The following SPAG9 variants were observed in gnomAD, a reference collection of about 807,000 sequenced individuals.
The protein encoded by SPAG9 is C-Jun-amino-terminal kinase-interacting protein 4.
Under a neutral mutation model 166.5 loss-of-function variants are expected in SPAG9, and 35 were observed. That is an observed-to-expected ratio of 0.21 (90% CI 0.16 to 0.28). The LOEUF (loss-of-function observed/expected upper bound fraction) is 0.28. Among genes scored for constraint, SPAG9 ranks in the 10% least tolerant of loss-of-function variants. The pLI, the probability that SPAG9 is intolerant of heterozygous loss-of-function variation, is 1.00. For synonymous variants in SPAG9, 534 were observed against 565.5 expected (o/e 0.94, Z 0.79); for missense variants, 1,235 against 1,603.3 (o/e 0.77, Z 3.92).
At chr17:51,078,836 T>C (rs1189093278) in intron 2 of SPAG9, among the ~76,000 whole-genome samples, 1 of 152,050 alleles carries the variant, frequency 6.6e-6, no homozygotes, top group Non-Finnish European at 1.5e-5. Flanking sequence ...TTTTCTCCAG[T>C]ATCTAATTAC....
At position 51,089,993 on chromosome 17, in the gene SPAG9, T is replaced by A. The variant is rs557219737; in HGVS notation, c.304-10289A>T. Among the ~76,000 whole-genome samples the A allele has an allele frequency of 3.1e-3, 465 of 151,738 alleles. 2 individuals are homozygous for A. Among genetic ancestry groups the A allele is most frequent in the Non-Finnish European group, 5.0e-3 (342 of 67,918 alleles). ...TGCCCGGCCATATATACTATTTTTT[T>A]AAAAAAGAGAGAAGTCATTTTAGCT... On this transcript the variant is annotated intron_variant, in intron 1 of 29. Coordinates refer to ENST00000262013, the MANE Select transcript of SPAG9 (RefSeq NM_001130528.3).
chr17:51,063,411 CAA>C (rs143437430), intron 2 of SPAG9, among the ~76,000 whole-genome samples: 16 of 98,020 alleles, frequency 1.6e-4, no homozygotes, highest in Admixed American at 2.4e-4. Context: ...GACTACATCT[CAA>C]AAAAAAAAAA....
chr17:51,049,133 C>T (rs993072690), intron 3 of SPAG9, among the ~76,000 whole-genome samples: 1 of 152,130 alleles, frequency 6.6e-6, no homozygotes, highest in African/African-American at 2.4e-5. Flanking sequence ...AATCCCAGCA[C>T]TTTGGGAGGT....
intron 22 of SPAG9, 109 bp from the exon 23 acceptor site, chr17:50,985,887 AT>A: frequency 1.6e-6 from 1 of 607,044 alleles, no homozygotes; most frequent in Non-Finnish European, 2.8e-6. Context: ...TAACATACAA[AT>A]TTTAGGAAAA....
intron 1 of SPAG9, among the ~76,000 whole-genome samples, chr17:51,117,994 AT>A (rs1281190667): frequency 2.0e-5 from 3 of 151,714 alleles, no homozygotes; most frequent in African/African-American, 4.8e-5. Flanking sequence ...ATATATACAT[AT>A]TAGCTGGGCG....
rs1210223595 is a variant in SPAG9 at position 51,006,072 on chromosome 17, A to C, written c.1424+13T>G. 1 of 1,613,890 alleles carries C rather than the reference A, an allele frequency of 6.2e-7. No individual in the cohort carries two copies. The highest frequency in any genetic ancestry group is 8.5e-7 in the Non-Finnish European group (1 of 1,179,816). Reference sequence around the variant, plus strand: ...CAAAGAGTTTGGTTTAGAACAACACAGTTAAAACTTACTTCCTAAGCTCTT... The same window carrying C: ...CAAAGAGTTTGGTTTAGAACAACACCGTTAAAACTTACTTCCTAAGCTCTT... On this transcript the variant is annotated intron_variant, in intron 11 of 29. Transcript: ENST00000262013.
At chr17:51,074,559 C>T (rs910957005) in intron 2 of SPAG9, among the ~76,000 whole-genome samples, 5 of 152,212 alleles carry the variant, frequency 3.3e-5, no homozygotes, top group African/African-American at 1.2e-4. Flanking sequence ...GAACAGCAGA[C>T]TCCCAGGGGA....
At position 51,079,581 on chromosome 17, in the gene SPAG9, T is replaced by C. The variant is rs375859018; in HGVS notation, c.424+3A>G. ...TACTTATGAGAAGAAATGTTTTACT[T>C]ACTCTGGTCAGCATAGTTTTTCGCT... is the stretch of plus-strand genomic sequence containing the variant. On this transcript the variant is annotated splice_donor_region_variant and intron_variant, in intron 2 of 29. Transcript: ENST00000262013. The C allele has an allele frequency of 6.3e-5, 102 of 1,612,356 alleles. No individual in the cohort carries two copies. In the African/African-American group the frequency reaches 1.2e-3, roughly 19 times the overall value.
chr17:50,974,831 G>A lies in SPAG9; in HGVS notation c.3640C>T (p.His1214Tyr), dbSNP rs765272520. 3.7e-6 allele frequency: 6 copies of A among 1,611,784 alleles called. No homozygotes were observed. The highest frequency in any genetic ancestry group is 5.1e-6 in the Non-Finnish European group (6 of 1,179,572). The change falls in exon 28 of 30, where the codon CAT (histidine) becomes TAT (tyrosine). Residue 1214 changes from histidine to tyrosine, a missense_variant. By Grantham distance (83) the His-to-Tyr change is moderately conservative (BLOSUM62 2). This residue lies in a region of SPAG9 where 243 missense variants were observed against 358.6 expected (regional missense o/e 0.68). Transcript: ENST00000262013. ...TGCCCATGGAAGCAAAGCTGTGCAT[G>A]TGCCATTGAACAATAGGGTATAAAT... is the stretch of plus-strand genomic sequence containing the variant. ...GTFIPYCSMA[H>Y]AQLCFHGHRD...
Position 51,050,938 on chromosome 17 carries a change from GAA to G in SPAG9, c.496-3471_496-3470del, listed in dbSNP as rs1190795951. On this transcript the variant is annotated intron_variant, in intron 3 of 29. Transcript: ENST00000262013. ...AGCAATAAACAACTGAAGAGAGAGAGAAAAAGAGAGGAAGGAAGAAAGGAAAG... is the reference window on the plus strand; with the variant it reads ...AGCAATAAACAACTGAAGAGAGAGAGAAAGAGAGGAAGGAAGAAAGGAAAG... Among the ~76,000 whole-genome samples the G allele has an allele frequency of 2.7e-5, 4 of 145,852 alleles. No individual in the cohort carries two copies. The Admixed American group carries it at 2.8e-4, about 10-fold the overall frequency.
intron 2 of SPAG9, among the ~76,000 whole-genome samples, chr17:51,067,207 ATACT>A (rs1171859393): frequency 6.6e-6 from 1 of 152,234 alleles, no homozygotes. Flanking sequence ...TTTTCTGAAA[ATACT>A]TACAATAACT....
Position 50,982,593 on chromosome 17 carries a change from T to C in SPAG9, c.3168A>G (p.Val1056=). The C allele has an allele frequency of 2.5e-6, 4 of 1,614,092 alleles. No individual in the cohort carries two copies. Among genetic ancestry groups the C allele is most frequent in the Middle Eastern group, 1.6e-4 (1 of 6,062 alleles). ...TATAGCCACACCAGACTTTGTCATG[T>C]ACCACAGTCATGCAACGGATGGAAT... is the stretch of plus-strand genomic sequence containing the variant. ...PHHSIRCMTV[V]HDKVWCGYRN... is the part of the protein sequence containing the mutation. The change falls in exon 25 of 30, where the codon GTA becomes GTG. Residue 1056 remains valine, a synonymous_variant. Transcript: ENST00000262013.
At chr17:51,053,614 G>A (rs1598092172) in intron 3 of SPAG9, among the ~76,000 whole-genome samples, 1 of 151,542 alleles carries the variant, frequency 6.6e-6, no homozygotes. Flanking sequence ...GAACCCAGGA[G>A]GCGGAGGTTG....
chr17:51,098,547 C>A (rs754485142), intron 1 of SPAG9, among the ~76,000 whole-genome samples: 2 of 152,010 alleles, frequency 1.3e-5, no homozygotes, highest in Non-Finnish European at 2.9e-5. Context: ...GGTTGGAGTG[C>A]AGTGGTGTGA....
At chr17:51,095,297 A>T (rs145010459) in intron 1 of SPAG9, among the ~76,000 whole-genome samples, 13 of 66,398 alleles carry the variant, frequency 2.0e-4, no homozygotes, top group East Asian at 8.0e-4. Context: ...CTCCATCTTT[A>T]AAAAAAAAAA....
In SPAG9 at chr17:50,989,690, C is replaced by G. The variant is rs1163819060; in HGVS notation, c.2800G>C (p.Val934Leu). 1 of 1,613,988 alleles carries G rather than the reference C, an allele frequency of 6.2e-7. No homozygotes were observed. The highest frequency in any genetic ancestry group is 8.5e-7 in the Non-Finnish European group (1 of 1,179,982). The change falls in exon 21 of 30, where the codon GTG becomes CTG. Residue 934 changes from valine to leucine, a missense_variant. Val to Leu is a conservative substitution (Grantham distance 32, BLOSUM62 1). Coordinates refer to ENST00000262013, the MANE Select transcript of SPAG9 (RefSeq NM_001130528.3). ...CCATTATTATACCTCGACTGATACA[C>G]TGGGGAGAGGTCTTCTGGGATCTGA... ...GVQIPEDLSP[V>L]YQSSNDSDAY...
At chr17:51,039,700 C>T (rs2046756498) in intron 5 of SPAG9, among the ~76,000 whole-genome samples, 1 of 152,142 alleles carries the variant, frequency 6.6e-6, no homozygotes, top group African/African-American at 2.4e-5. Flanking sequence ...AAAGTTCTGG[C>T]ATAGCCTATC....
In SPAG9 at chr17:51,096,022, G is replaced by GATATATATATATAGTGAT. The variant is rs1568084108; in HGVS notation, c.304-16336_304-16319dup. 6.6e-3 allele frequency among the ~76,000 whole-genome samples: 629 copies of GATATATATATATAGTGAT among 95,112 alleles called. 14 individuals carry two copies. Among genetic ancestry groups the GATATATATATATAGTGAT allele is most frequent in the Admixed American group, 9.3e-3 (76 of 8,214 alleles). 62.4% of individuals were successfully genotyped at this position (95,112 alleles called of 152,430 possible). ...ATATATAGTGATATATATATATAGT[G>GATATATATATATAGTGAT]ATATATATATATAGTGATATATATA... is the stretch of plus-strand genomic sequence containing the variant. On this transcript the variant is annotated intron_variant, in intron 1 of 29. Coordinates refer to ENST00000262013, the MANE Select transcript of SPAG9 (RefSeq NM_001130528.3).
At chr17:50,981,483 A>AAGATAGATAGAT (rs71353692) in intron 25 of SPAG9, among the ~76,000 whole-genome samples, 477 of 143,936 alleles carry the variant, frequency 3.3e-3, no homozygotes, top group East Asian at 5.1e-3. Flanking sequence ...TACACAGATA[A>AAGATAGATAGAT]AGATAGATAG....
Sources: allele counts gnomAD v4.1 joint callset (sites outside exome capture counted in the v4.1 genomes callset), GRCh38; gene constraint gnomAD v4.1.1; regional missense constraint gnomAD v4.1.1; transcripts MANE v1.5; gene names NCBI Gene and HGNC (gene_info 2026-07-23, HGNC 2026-07-21).